CFAP44: variants seen among roughly 807,000 people sequenced by gnomAD.
CFAP44 encodes the protein cilia- and flagella-associated protein 44.
A neutral mutation model predicts 216.2 loss-of-function variants in CFAP44; 134 were observed. The ratio of observed to expected loss-of-function variants is 0.62; its 90% CI spans 0.54 to 0.72. The LOEUF is 0.72. CFAP44 is among the 30% of genes least tolerant of loss of function. CFAP44 has a pLI of 0.00. For synonymous variants in CFAP44, 700 were observed against 727.6 expected (o/e 0.96, Z 0.61); for missense variants, 2,035 against 2,182.1 (o/e 0.93, Z 1.34).
intron 23 of CFAP44, among the ~76,000 whole-genome samples, chr3:113,344,031 A>G (rs1204516636): frequency 3.3e-5 from 5 of 152,314 alleles, no homozygotes; most frequent in Admixed American, 6.5e-5. Context: ...TACTATTTTC[A>G]TACCTCTATT....
intron 20 of CFAP44, 77 bp downstream of exon 20, chr3:113,363,400 G>A: frequency 1.3e-6 from 2 of 1,572,218 alleles, no homozygotes; most frequent in Admixed American, 1.9e-5. Flanking sequence ...AATTCATTAA[G>A]CTTGGTCAAC....
Position 113,371,485 on chromosome 3 carries a change from TTCCC to T in CFAP44, c.2444+1922_2444+1925del, listed in dbSNP as rs1559926936. 1.9e-3 allele frequency among the ~76,000 whole-genome samples: 291 copies of T among 152,302 alleles called. 2 individuals are homozygous for T. Among genetic ancestry groups the T allele is most frequent in the African/African-American group, 5.7e-3 (238 of 41,576 alleles). ...ACAAAAACAAGAAATGGGGAAAGGA[TTCCC>T]TATTTAATAAATGGTTCTGGGAAAA... On this transcript the variant is annotated intron_variant, in intron 18 of 34. Transcript: ENST00000393845.
intron 1 of CFAP44, among the ~76,000 whole-genome samples, chr3:113,437,724 C>T (rs764143970): frequency 6.6e-6 from 1 of 152,184 alleles, no homozygotes; most frequent in African/African-American, 2.4e-5. Flanking sequence ...GTGGGAGAGA[C>T]TCCTGTTCTC....
At chr3:113,439,132 G>T (rs375151140) in intron 1 of CFAP44, among the ~76,000 whole-genome samples, 1 of 152,098 alleles carries the variant, frequency 6.6e-6, no homozygotes, top group African/African-American at 2.4e-5. Flanking sequence ...CATAAATTTC[G>T]TTTCATTAGA....
In CFAP44 at chr3:113,330,655, T is replaced by C; in HGVS notation, c.3629A>G (p.Lys1210Arg). ...GHLDSLVHGN[K>R]RHMNKCILSL... ...GAGAATGCACTTGTTCATGTGCCTT[T>C]TATTTCCATGGACCTGAAAAAAAGA... Residue 1210 changes from lysine to arginine, a missense_variant, in exon 26 of 35, where the codon AAA becomes AGA. Coordinates refer to ENST00000393845, the MANE Select transcript of CFAP44 (RefSeq NM_001164496.2). 6.5e-7 allele frequency: 1 copy of C among 1,531,602 alleles called. No individual in the cohort carries two copies. 94.9% of individuals were successfully genotyped at this position (1,531,602 alleles called of 1,614,324 possible).
intron 6 of CFAP44, among the ~76,000 whole-genome samples, chr3:113,415,218 T>C (rs1934611444): frequency 6.6e-6 from 1 of 152,204 alleles, no homozygotes; most frequent in African/African-American, 2.4e-5. Flanking sequence ...TTACCCTTTA[T>C]TACTTTTTAT....
chr3:113,412,060 T>A (rs1576597562), intron 6 of CFAP44, among the ~76,000 whole-genome samples: 1 of 152,174 alleles, frequency 6.6e-6, no homozygotes, highest in East Asian at 1.9e-4. Flanking sequence ...CAATATCATA[T>A]TGAATGGGCA....
At chr3:113,347,527 G>T (rs749339544) in intron 22 of CFAP44, among the ~76,000 whole-genome samples, 10 of 151,908 alleles carry the variant, frequency 6.6e-5, no homozygotes, top group Non-Finnish European at 1.5e-4. Flanking sequence ...CTCCTATAAT[G>T]ATTTCTAGTA....
At chr3:113,354,180 T>C (rs1213614755) in intron 22 of CFAP44, among the ~76,000 whole-genome samples, 2 of 151,876 alleles carry the variant, frequency 1.3e-5, no homozygotes, top group Admixed American at 1.3e-4. Flanking sequence ...AGATGGCAGA[T>C]AGGAGGCAGG....
chr3:113,310,684 G>A (rs1182449778), intron 28 of CFAP44, among the ~76,000 whole-genome samples: 4 of 152,182 alleles, frequency 2.6e-5, no homozygotes, highest in African/African-American at 9.7e-5. Context: ...TGTTGGAGGA[G>A]GGGCCTGTTG....
intron 22 of CFAP44, among the ~76,000 whole-genome samples, chr3:113,348,098 G>A (rs1311004463): frequency 6.6e-6 from 1 of 151,940 alleles, no homozygotes; most frequent in Non-Finnish European, 1.5e-5. Flanking sequence ...AGGGTCCAGG[G>A]ACCATTGCAG....
At chr3:113,426,412 G>T in intron 3 of CFAP44, 135 bp from the exon 4 acceptor site, 3 of 863,456 alleles carry the variant, frequency 3.5e-6, no homozygotes, top group Non-Finnish European at 3.5e-6. Flanking sequence ...GAATCACAGG[G>T]GCTGTTACCT....
chr3:113,309,220 C>T (rs1950014795), intron 28 of CFAP44, among the ~76,000 whole-genome samples: 1 of 152,216 alleles, frequency 6.6e-6, no homozygotes, highest in Non-Finnish European at 1.5e-5. Flanking sequence ...ATGGAGAGAA[C>T]TTGATATCTG....
chr3:113,340,441 AGAGAAAGGTGG>A (rs1950321412), intron 24 of CFAP44, among the ~76,000 whole-genome samples: 1 of 152,208 alleles, frequency 6.6e-6, no homozygotes, highest in Admixed American at 6.5e-5. Context: ...CCCACAGGAA[AGAGAAAGGTGG>A]CAGGGTTTCG....
intron 24 of CFAP44, among the ~76,000 whole-genome samples, chr3:113,339,215 G>C (rs1576555666): frequency 6.6e-6 from 1 of 152,140 alleles, no homozygotes; most frequent in African/African-American, 2.4e-5. Flanking sequence ...AGGGCTATGA[G>C]AGGTTTTTCC....
intron 22 of CFAP44, among the ~76,000 whole-genome samples, chr3:113,357,246 A>C (rs1479528122): frequency 3.9e-5 from 6 of 152,290 alleles, no homozygotes; most frequent in Non-Finnish European, 8.8e-5. Flanking sequence ...CCCCCCAAAA[A>C]GCTATGTTGA....
intron 34 of CFAP44, chr3:113,294,149 T>C: frequency 2.3e-6 from 1 of 437,188 alleles, no homozygotes; most frequent in Non-Finnish European, 4.6e-6. Context: ...ATGTGTTAGG[T>C]TTGTAGAGGG....
intron 32 of CFAP44, among the ~76,000 whole-genome samples, chr3:113,303,055 G>T (rs938458640): frequency 6.6e-6 from 1 of 152,124 alleles, no homozygotes. Context: ...CATCTCACAG[G>T]CTGGCAAAAA....
intron 8 of CFAP44, among the ~76,000 whole-genome samples, chr3:113,405,879 A>G (rs1157062673): frequency 2.0e-5 from 3 of 152,206 alleles, no homozygotes; most frequent in Non-Finnish European, 4.4e-5. Context: ...GGATTTAGAC[A>G]TATAGTTTCG....
Sources: allele counts gnomAD v4.1 joint callset (sites outside exome capture counted in the v4.1 genomes callset), GRCh38; gene constraint gnomAD v4.1.1; transcripts MANE v1.5; gene names NCBI Gene and HGNC (gene_info 2026-07-23, HGNC 2026-07-21).